The following DAB1 variants were observed in gnomAD, a reference collection of about 807,000 sequenced individuals.
DAB1 encodes DAB adaptor protein 1.
In DAB1, 15 loss-of-function variants were observed where a neutral mutation model predicts 64.6. The observed-to-expected ratio is 0.23, with a 90% confidence interval of 0.16 to 0.36. The LOEUF (loss-of-function observed/expected upper bound fraction) is 0.36. Among genes scored for constraint, DAB1 ranks in the 10% least tolerant of loss-of-function variants. The pLI is 1.00. For missense variants in DAB1, 596 were observed against 706.7 expected (o/e 0.84, Z 1.78); for synonymous variants, 235 against 251.9 (o/e 0.93, Z 0.64).
intron 2 of DAB1, among the ~76,000 whole-genome samples, chr1:57,223,851 C>G (rs1353917435): frequency 6.6e-6 from 1 of 152,140 alleles, no homozygotes; most frequent in Non-Finnish European, 1.5e-5. Flanking sequence ...GTGAGCTGTG[C>G]TACACAGCCT....
At chr1:58,238,474 G>T (rs1490191368) in intron 4 of DAB1, among the ~76,000 whole-genome samples, 1 of 152,120 alleles carries the variant, frequency 6.6e-6, no homozygotes, top group Admixed American at 6.5e-5. Flanking sequence ...GGAGTCCAGA[G>T]GAGAGGACCA....
chr1:57,426,874 A>ATATATTTT (rs57970737), upstream of DAB1, among the ~76,000 whole-genome samples: 1,315 of 149,266 alleles, frequency 8.8e-3, 19 homozygotes, highest in African/African-American at 0.031. Flanking sequence ...ATATATATAT[A>ATATATTTT]TTTTTTTGAG....
chr1:57,941,593 T>C (rs1030601972), intron 5 of DAB1, among the ~76,000 whole-genome samples: 7 of 152,190 alleles, frequency 4.6e-5, no homozygotes, highest in African/African-American at 1.7e-4. Flanking sequence ...TCCCAGCACT[T>C]TGGGAGGCCA....
intron 7 of DAB1, among the ~76,000 whole-genome samples, chr1:57,532,735 C>T (rs1175534485): frequency 6.6e-6 from 1 of 152,166 alleles, no homozygotes. Context: ...CTCTGGGACT[C>T]AACTTCTGGG....
intron 3 of DAB1, among the ~76,000 whole-genome samples, chr1:58,440,625 A>C (rs537090346): frequency 4.3e-4 from 65 of 152,330 alleles, no homozygotes; most frequent in Non-Finnish European, 7.5e-4. Context: ...GTATGGACTT[A>C]ATGAGATAAT....
At chr1:57,888,416 G>A (rs1213520041), upstream of DAB1, among the ~76,000 whole-genome samples, 1 of 152,068 alleles carries the variant, frequency 6.6e-6, no homozygotes, top group African/African-American at 2.4e-5. Context: ...GTATTTCCCA[G>A]GGCACCTTCC....
chr1:57,257,157 T>C (rs1049462301), intron 2 of DAB1, among the ~76,000 whole-genome samples: 3 of 152,192 alleles, frequency 2.0e-5, no homozygotes, highest in African/African-American at 7.2e-5. Context: ...GTCTCCACTC[T>C]TGGGGTTTGC....
chr1:58,049,305 A>G, intron 5 of DAB1: 1 of 679,442 alleles, frequency 1.5e-6, no homozygotes, highest in African/African-American at 1.8e-5. Context: ...GGCAGGGAGA[A>G]GAGAGACTTT....
intron 6 of DAB1, among the ~76,000 whole-genome samples, chr1:57,679,899 G>A (rs1646616581): frequency 6.6e-6 from 1 of 152,140 alleles, no homozygotes; most frequent in South Asian, 2.1e-4. Context: ...ACCCCATGAG[G>A]TTGGTACTGT....
intron 2 of DAB1, among the ~76,000 whole-genome samples, chr1:57,242,415 C>T (rs6587766): frequency 0.13 from 19,982 of 152,018 alleles, 2,952 homozygotes; most frequent in African/African-American, 0.37. Context: ...GGAAGGGTCA[C>T]GGGGGAAGTA....
rs934768745 is a variant in DAB1 at position 57,730,548 on chromosome 1, A to G, written n.552-80883T>C. ...GGGGGCCTGAAGGGGGAGTTTTGGA[A>G]GGATACGTAGTCATTATAAACCAAG... On this transcript the variant is annotated intron_variant and non_coding_transcript_variant, in intron 6 of 20. Transcript: ENST00000485760. Among the ~76,000 whole-genome samples the G allele has an allele frequency of 1.2e-4, 19 of 152,190 alleles. 1 individual carries two copies. Among genetic ancestry groups the G allele is most frequent in the Admixed American group, 6.5e-5 (1 of 15,280 alleles).
intron 5 of DAB1, among the ~76,000 whole-genome samples, chr1:58,131,062 T>G (rs182782036): frequency 0.044 from 5,931 of 134,850 alleles, 112 homozygotes; most frequent in Admixed American, 0.068. Flanking sequence ...TTTTCCAACT[T>G]GGTTCCATTC....
chr1:57,206,326 A>T (rs1051425971), intron 2 of DAB1, among the ~76,000 whole-genome samples: 3 of 152,206 alleles, frequency 2.0e-5, no homozygotes, highest in African/African-American at 7.2e-5. Context: ...CCTCTACCAG[A>T]CAGGGCTGCA....
At chr1:58,317,953 T>C (rs965639942) in intron 4 of DAB1, among the ~76,000 whole-genome samples, 2 of 152,222 alleles carry the variant, frequency 1.3e-5, no homozygotes, top group Non-Finnish European at 2.9e-5. Flanking sequence ...GCTTTGTGTC[T>C]CTTGATCTTT....
intron 3 of DAB1, among the ~76,000 whole-genome samples, chr1:58,498,492 C>T (rs1233693783): frequency 6.6e-6 from 1 of 152,082 alleles, no homozygotes; most frequent in East Asian, 1.9e-4. Flanking sequence ...GTCAATGGCC[C>T]TAATCCAAAG....
chr1:57,073,899 C>A (rs562803856), intron 4 of DAB1, among the ~76,000 whole-genome samples: 5 of 152,316 alleles, frequency 3.3e-5, no homozygotes, highest in Non-Finnish European at 5.9e-5. Context: ...TTTTTTGAGA[C>A]AGGGTCTCAC....
rs1040108455 is a variant in DAB1, at chr1:57,129,158, A to C, written c.306+7385T>G. ...AGAGGAATCATCAAGAAAATTTCTG[A>C]GTTGACCAAATCTGCTTGGAAACAT... On this transcript the variant is annotated intron_variant, in intron 4 of 14. Coordinates refer to ENST00000371236, the MANE Select transcript of DAB1 (RefSeq NM_001365792.1). Among the ~76,000 whole-genome samples, 4 of 152,292 alleles carry C rather than the reference A, an allele frequency of 2.6e-5. No homozygotes were observed. The East Asian group carries it at 7.7e-4, about 29-fold the overall frequency.
At chr1:57,112,905 ACATT>A (rs1655793942) in intron 4 of DAB1, among the ~76,000 whole-genome samples, 1 of 152,236 alleles carries the variant, frequency 6.6e-6, no homozygotes, top group Non-Finnish European at 1.5e-5. Flanking sequence ...TGACAAATAT[ACATT>A]CAATCAATTA....
intron 4 of DAB1, among the ~76,000 whole-genome samples, chr1:58,179,005 C>G (rs1656638160): frequency 1.3e-5 from 2 of 152,108 alleles, no homozygotes; most frequent in African/African-American, 4.8e-5. Context: ...GAAGAAGTTC[C>G]TTCTGCTCCT....
Sources: allele counts gnomAD v4.1 joint callset (sites outside exome capture counted in the v4.1 genomes callset), GRCh38; gene constraint gnomAD v4.1.1; transcripts MANE v1.5; gene names NCBI Gene and HGNC (gene_info 2026-07-23, HGNC 2026-07-21).